The following CPEB4 variants were observed in gnomAD, a reference collection of about 807,000 sequenced individuals.
CPEB4 encodes the protein cytoplasmic polyadenylation element binding protein 4.
A neutral mutation model predicts 72.5 loss-of-function variants in CPEB4; 12 were observed. That is an observed-to-expected ratio of 0.17 (90% confidence interval 0.11 to 0.27). The LOEUF is 0.27. Ranked by LOEUF, CPEB4 falls within the 10% of genes least tolerant of loss-of-function variation. The pLI, the probability that CPEB4 is intolerant of heterozygous loss-of-function variation, is 1.00. For missense variants in CPEB4, 614 were observed against 908.5 expected, an observed-to-expected ratio of 0.68 and a Z score of 4.17; for synonymous variants, 302 against 326.3, an observed-to-expected ratio of 0.93 and a Z score of 0.80.
intron 5 of CPEB4, among the ~76,000 whole-genome samples, chr5:173,946,789 G>GA (rs546238366): frequency 8.5e-4 from 130 of 152,168 alleles, no homozygotes; most frequent in Admixed American, 1.6e-3. Flanking sequence ...CCTTGCCTAG[G>GA]AAAAATCATT....
intron 1 of CPEB4, among the ~76,000 whole-genome samples, chr5:173,896,970 A>T (rs1756037494): frequency 6.6e-6 from 1 of 152,232 alleles, no homozygotes; most frequent in Non-Finnish European, 1.5e-5. Context: ...CACCTTATGT[A>T]TGTGGCCATA....
chr5:173,954,480 C>T (rs965736200), intron 9 of CPEB4, among the ~76,000 whole-genome samples: 1 of 152,056 alleles, frequency 6.6e-6, no homozygotes, highest in African/African-American at 2.4e-5. Flanking sequence ...TCAAGTGATT[C>T]TCCTGCCTTA....
chr5:173,917,183 A>C (rs1403423811), intron 2 of CPEB4, among the ~76,000 whole-genome samples: 1 of 152,086 alleles, frequency 6.6e-6, no homozygotes, highest in South Asian at 2.1e-4. Flanking sequence ...GGAATAAATA[A>C]TTTTTTTTCA....
At position 173,959,615 on chromosome 5, in the gene CPEB4, T is replaced by C. The variant is rs1481190020; in HGVS notation, c.*3478T>C. 1 of 152,792 alleles carries C rather than the reference T, an allele frequency of 6.5e-6. No individual in the cohort carries two copies. Among genetic ancestry groups the C allele is most frequent in the Non-Finnish European group, 1.5e-5 (1 of 68,026 alleles). The allele number at this position is 152,792 out of a possible 1,614,324, so 9.5% of individuals were successfully genotyped here. ...TTGCAGACATTTAAAAATGTCATTTTCTACTGTTAAGAGTAATCCTCTTTC... is the reference window on the plus strand; with the variant it reads ...TTGCAGACATTTAAAAATGTCATTTCCTACTGTTAAGAGTAATCCTCTTTC... On this transcript the variant is annotated 3_prime_UTR_variant, in exon 10 of 10. Transcript: ENST00000265085.
At position 173,923,813 on chromosome 5, in the gene CPEB4, C is replaced by T. The variant is rs545985189; in HGVS notation, c.1208-8637C>T. On this transcript the variant is annotated intron_variant, in intron 2 of 9. Transcript: ENST00000265085. Reference sequence around the variant, plus strand: ...CATTAATCTCTGGTATCATAACATCCTCTTAAGGCAAGTTATCTTGTTGCT... The same window carrying T: ...CATTAATCTCTGGTATCATAACATCTTCTTAAGGCAAGTTATCTTGTTGCT... Among the ~76,000 whole-genome samples the T allele has an allele frequency of 3.9e-5, 6 of 152,166 alleles. No individual in the cohort carries two copies. In the East Asian group the frequency reaches 1.2e-3, roughly 29 times the overall value.
intron 5 of CPEB4, among the ~76,000 whole-genome samples, chr5:173,946,120 A>T (rs763935239): frequency 7.2e-5 from 11 of 152,306 alleles, no homozygotes; most frequent in Non-Finnish European, 1.5e-4. Flanking sequence ...TTTCTTCAAG[A>T]TGATTTATCT....
chr5:173,949,442 A>G, intron 5 of CPEB4, 66 bp from the exon 6 acceptor site: 3 of 1,211,892 alleles, frequency 2.5e-6, no homozygotes, highest in Non-Finnish European at 3.6e-6. Context: ...GAAACTTAAA[A>G]GAAAAACTTT....
At position 173,961,712 on chromosome 5, in the gene CPEB4, T is replaced by C. The variant is rs951748126; in HGVS notation, c.*5575T>C. ...TAGATCAGAAAGTAAGTACTTTTTC[T>C]AGGGATTTTTTTTTTTTTTTAAGTT... On this transcript the variant is annotated 3_prime_UTR_variant, in exon 10 of 10. Coordinates refer to ENST00000265085, the MANE Select transcript of CPEB4 (RefSeq NM_030627.4). 4 of 122,446 alleles carry C rather than the reference T, an allele frequency of 3.3e-5. No homozygotes were observed. The highest frequency in any genetic ancestry group is 9.7e-5 in the African/African-American group (3 of 31,052). 7.6% of individuals were successfully genotyped at this position (122,446 alleles called of 1,614,324 possible).
At chr5:173,893,857 C>T (rs1755904734) in intron 1 of CPEB4, among the ~76,000 whole-genome samples, 1 of 152,048 alleles carries the variant, frequency 6.6e-6, no homozygotes, top group South Asian at 2.1e-4. Flanking sequence ...ATTCATAATC[C>T]TCCCCCCCAA....
chr5:173,895,918 C>G (rs1366556892), intron 1 of CPEB4, among the ~76,000 whole-genome samples: 1 of 152,148 alleles, frequency 6.6e-6, no homozygotes, highest in Non-Finnish European at 1.5e-5. Flanking sequence ...CAGGAAAAAC[C>G]TGTTTATCGC....
At position 173,939,753 on chromosome 5, in the gene CPEB4, C is replaced by CT. The variant is rs11292869; in HGVS notation, c.1259-3260dup. ...AATTTATGGCCATAATATTTTGAGC[C>CT]TTTTTTTTTTTTTAACAATCTTGAA... On this transcript the variant is annotated intron_variant, in intron 3 of 9. Coordinates refer to ENST00000265085, the MANE Select transcript of CPEB4 (RefSeq NM_030627.4). Among the ~76,000 whole-genome samples the CT allele has an allele frequency of 2.4e-3, 351 of 144,908 alleles. 1 individual carries two copies. Among genetic ancestry groups the CT allele is most frequent in the African/African-American group, 5.7e-3 (226 of 39,794 alleles).
chr5:173,923,739 C>T (rs1023165886), intron 2 of CPEB4, among the ~76,000 whole-genome samples: 7 of 151,854 alleles, frequency 4.6e-5, no homozygotes, highest in Non-Finnish European at 8.8e-5. Flanking sequence ...TTAGCTTGGA[C>T]AAAAACTACA....
chr5:173,895,154 A>G (rs1055273889), intron 1 of CPEB4, among the ~76,000 whole-genome samples: 1 of 152,162 alleles, frequency 6.6e-6, no homozygotes, highest in African/African-American at 2.4e-5. Flanking sequence ...GACTACAGGC[A>G]TGATTGGACC....
rs768428477 is a variant in CPEB4, at chr5:173,890,654, T to C, written c.921T>C (p.Gly307=). Residue 307 remains glycine (G), a synonymous_variant, in exon 1 of 10, where the codon GGT becomes GGC. Transcript: ENST00000265085. ...GGAGCCCGGGCGGTGGTGGATATGG[T>C]GGCTGGGGAGGTTCCCAAGGCCGAG... ...SSWSPGGGGY[G]GWGGSQGRDH... is the part of the protein sequence containing the mutation. 2 of 1,614,038 alleles carry C rather than the reference T, an allele frequency of 1.2e-6. No homozygotes were observed. The highest frequency in any genetic ancestry group is 2.2e-5 in the South Asian group (2 of 91,062).
In CPEB4 at chr5:173,957,750, A is replaced by C. The variant is rs1157108305; in HGVS notation, c.*1613A>C. 1 of 152,788 alleles carries C rather than the reference A, an allele frequency of 6.5e-6. No individual in the cohort carries two copies. The highest frequency in any genetic ancestry group is 6.5e-5 in the Admixed American group (1 of 15,280). The allele number at this position is 152,788 out of a possible 1,614,324, so 9.5% of individuals were successfully genotyped here. A position where few individuals can be genotyped will look rare whatever the true frequency, so the allele number is the denominator to read the frequency against. ...TAACAGTACCATCTTGGATCCTTCAAAACCAAAGACTTGCCCCAGCACTGC... is the reference window on the plus strand; with the variant it reads ...TAACAGTACCATCTTGGATCCTTCACAACCAAAGACTTGCCCCAGCACTGC... On this transcript the variant is annotated 3_prime_UTR_variant, in exon 10 of 10. Coordinates refer to ENST00000265085, the MANE Select transcript of CPEB4 (RefSeq NM_030627.4).
intron 7 of CPEB4, among the ~76,000 whole-genome samples, chr5:173,951,375 G>T (rs2113298131): frequency 6.6e-6 from 1 of 152,212 alleles, no homozygotes; most frequent in South Asian, 2.1e-4. Context: ...TTGAAATAAT[G>T]CATCAGATTT....
intron 2 of CPEB4, among the ~76,000 whole-genome samples, chr5:173,915,963 A>G (rs1197383963): frequency 6.6e-6 from 1 of 152,222 alleles, no homozygotes; most frequent in Non-Finnish European, 1.5e-5. Context: ...TGAAGGGAAT[A>G]AAGAGACAAA....
intron 2 of CPEB4, among the ~76,000 whole-genome samples, chr5:173,917,979 AAG>A (rs1410117414): frequency 6.6e-6 from 1 of 152,226 alleles, no homozygotes; most frequent in Non-Finnish European, 1.5e-5. Context: ...AAGTAATTCA[AAG>A]TAGCGTAACA....
chr5:173,932,308 A>ATT (rs1757475104), intron 2 of CPEB4, 142 bp from the exon 3 acceptor site: 4 of 517,950 alleles, frequency 7.7e-6, no homozygotes, highest in Non-Finnish European at 1.4e-5. Context: ...CTTTTTGAAT[A>ATT]TTGATGAACA....
Sources: gnomAD v4.1 joint callset for allele counts (sites outside exome capture counted in the v4.1 genomes callset) on GRCh38, gnomAD v4.1.1 for gene constraint, MANE v1.5 for transcripts, NCBI Gene and HGNC (gene_info 2026-07-23, HGNC 2026-07-21) for gene names.